The following GAS7 variants were observed in gnomAD, a reference collection of about 807,000 sequenced individuals.
GAS7 encodes the protein growth arrest specific 7.
Under a neutral mutation model 71.1 loss-of-function variants are expected in GAS7, and 28 were observed. The ratio of observed to expected loss-of-function variants is 0.39; its 90% CI spans 0.29 to 0.54. The LOEUF (loss-of-function observed/expected upper bound fraction) is 0.54, where lower values mean the gene tolerates loss of function less well. Ranked by LOEUF, GAS7 falls within the 20% of genes least tolerant of loss-of-function variation. The pLI is 0.62. For missense variants in GAS7, 436 were observed against 627.8 expected (o/e 0.69, Z 3.27); for synonymous variants, 258 against 245.8 (o/e 1.05, Z -0.46).
At chr17:10,182,445 G>C (rs2074423630) in intron 1 of GAS7, among the ~76,000 whole-genome samples, 1 of 152,098 alleles carries the variant, frequency 6.6e-6, no homozygotes, top group South Asian at 2.1e-4. Context: ...CAGGCATGAG[G>C]CACCGCACCC....
At chr17:9,960,215 AGT>A (rs1319484891) in intron 4 of GAS7, among the ~76,000 whole-genome samples, 2 of 149,310 alleles carry the variant, frequency 1.3e-5, no homozygotes, top group African/African-American at 5.0e-5. Context: ...TTTAAGATGG[AGT>A]GTCATTCTGT....
At chr17:10,079,113 T>C (rs996692819) in intron 1 of GAS7, among the ~76,000 whole-genome samples, 2 of 152,152 alleles carry the variant, frequency 1.3e-5, no homozygotes, top group African/African-American at 4.8e-5. Flanking sequence ...GACTCCTGGC[T>C]GGGTGACACA....
chr17:10,105,263 C>A (rs2073745890), intron 1 of GAS7, among the ~76,000 whole-genome samples: 1 of 152,152 alleles, frequency 6.6e-6, no homozygotes, highest in South Asian at 2.1e-4. Flanking sequence ...CCTTCTCTTG[C>A]CTTCCAGGTG....
rs2070104537 is a variant in GAS7, at chr17:9,974,469, C to G, written c.386-4707G>C. 6.6e-6 allele frequency among the ~76,000 whole-genome samples: 1 copy of G among 150,738 alleles called. No homozygotes were observed. Among genetic ancestry groups the G allele is most frequent in the Admixed American group, 6.6e-5 (1 of 15,120 alleles). ...CTGGGGGAAGAAAAATGAAATTGGT[C>G]AAGGATCGCTCATAAAGGGAACATA... On this transcript the variant is annotated intron_variant, in intron 3 of 13. Transcript: ENST00000432992. The surrounding 1 kb of genome is among the most constrained non-coding windows in gnomAD (Gnocchi z 4.0).
intron 3 of GAS7, among the ~76,000 whole-genome samples, chr17:9,979,610 G>T (rs1469927803): frequency 6.6e-6 from 1 of 152,162 alleles, no homozygotes; most frequent in Admixed American, 6.5e-5. Context: ...AGGAGAGCAG[G>T]CTTTGGAGAA....
At chr17:10,153,045 A>T (rs1338327196) in intron 1 of GAS7, among the ~76,000 whole-genome samples, 1 of 150,778 alleles carries the variant, frequency 6.6e-6, no homozygotes. Context: ...ATACAAAAAA[A>T]AAAAAAAAAA....
chr17:10,040,425 A>G (rs1051864966), intron 1 of GAS7, among the ~76,000 whole-genome samples: 11 of 152,232 alleles, frequency 7.2e-5, no homozygotes, highest in African/African-American at 2.7e-4. Context: ...TTTCGATTCT[A>G]TAAAGGAGAA....
At chr17:9,951,773 A>AAAAC (rs2069023436) in intron 5 of GAS7, among the ~76,000 whole-genome samples, 1 of 150,852 alleles carries the variant, frequency 6.6e-6, no homozygotes, top group African/African-American at 2.4e-5. Context: ...AAAAAAAAAA[A>AAAAC]AAAAAAAAAA....
chr17:10,060,191 G>A (rs1309105561), intron 1 of GAS7, among the ~76,000 whole-genome samples: 2 of 152,218 alleles, frequency 1.3e-5, no homozygotes, highest in Non-Finnish European at 2.9e-5. Context: ...CAGCCCTGGT[G>A]CTTTAGTAAG....
intron 1 of GAS7, among the ~76,000 whole-genome samples, chr17:10,188,394 T>C (rs925237013): frequency 1.3e-5 from 2 of 152,232 alleles, no homozygotes; most frequent in Non-Finnish European, 2.9e-5. Flanking sequence ...TGTGATGTAA[T>C]ATACGCTGAT....
chr17:9,912,410 C>A lies in GAS7; in HGVS notation c.*4818G>T, dbSNP rs572575120. On this transcript the variant is annotated 3_prime_UTR_variant, in exon 14 of 14. Transcript: ENST00000432992. ...TCAGCTTGCAGATGAAGCAACAGAT[C>A]CAGGAAAGCATCATGATGAGCCCCA... 6.4e-5 allele frequency: 15 copies of A among 232,998 alleles called. No individual in the cohort carries two copies. The highest frequency in any genetic ancestry group is 1.1e-4 in the Non-Finnish European group (13 of 117,872). The allele number at this position is 232,998 out of a possible 1,614,324, so 14.4% of individuals were successfully genotyped here.
In GAS7 at chr17:9,969,692, G is replaced by A. The variant is rs1597577539; in HGVS notation, c.456C>T (p.Ser152=). The change falls in exon 4 of 14, where the codon TCC becomes TCT. Residue 152 remains serine, a synonymous_variant. Transcript: ENST00000432992. This position sits in a 1 kb window ranked among gnomAD's most constrained non-coding sequence, Gnocchi z 5.5. Reference sequence around the variant, plus strand: ...GACCCCTTACCTGGGAATCACCGGTGGATTTTCGGACACTCATGTGGGCAG... The same window carrying A: ...GACCCCTTACCTGGGAATCACCGGTAGATTTTCGGACACTCATGTGGGCAG... The part of the protein sequence containing the change: ...PETAHMSVRK[S]TGDSQNLGSS... 1.9e-6 allele frequency: 3 copies of A among 1,607,242 alleles called. No individual in the cohort carries two copies. The highest frequency in any genetic ancestry group is 2.6e-6 in the Non-Finnish European group (3 of 1,173,666).
At chr17:10,005,216 CGT>C (rs1567880470) in intron 2 of GAS7, among the ~76,000 whole-genome samples, 98 of 125,432 alleles carry the variant, frequency 7.8e-4, no homozygotes, top group African/African-American at 4.1e-3. Flanking sequence ...TGCATGTGCG[CGT>C]GTGCATGTAT....
At chr17:10,150,989 G>C (rs2074161773) in intron 1 of GAS7, among the ~76,000 whole-genome samples, 2 of 152,114 alleles carry the variant, frequency 1.3e-5, no homozygotes, top group African/African-American at 4.8e-5. Flanking sequence ...CTGTAAAATG[G>C]GGACAATAGT....
intron 1 of GAS7, among the ~76,000 whole-genome samples, chr17:10,123,887 C>T (rs1038869954): frequency 2.0e-5 from 3 of 152,326 alleles, no homozygotes; most frequent in East Asian, 3.9e-4. Context: ...TGGAGGGGGG[C>T]CCCGGACAGA....
chr17:9,933,047 C>T lies in GAS7; in HGVS notation c.885+1119G>A, dbSNP rs561919801. On this transcript the variant is annotated intron_variant, in intron 9 of 13. Coordinates refer to ENST00000432992, the MANE Select transcript of GAS7 (RefSeq NM_201433.2). Reference sequence around the variant, plus strand: ...ATTAGCTGGGTGTGGTGGCAGGCGCCTGTAGTCCCAGCTACTCGGGAGGCT... The same window carrying T: ...ATTAGCTGGGTGTGGTGGCAGGCGCTTGTAGTCCCAGCTACTCGGGAGGCT... Among the ~76,000 whole-genome samples the T allele has an allele frequency of 7.4e-4, 112 of 152,218 alleles. 1 individual carries two copies. The highest frequency in any genetic ancestry group is 2.6e-3 in the African/African-American group (109 of 41,534).
chr17:10,105,777 G>C (rs2073750818), intron 1 of GAS7, among the ~76,000 whole-genome samples: 1 of 152,142 alleles, frequency 6.6e-6, no homozygotes, highest in Non-Finnish European at 1.5e-5. Flanking sequence ...GCGTCTGTCA[G>C]CTTATTCCCC....
intron 1 of GAS7, among the ~76,000 whole-genome samples, chr17:10,047,529 T>C (rs1304506432): frequency 2.6e-5 from 4 of 151,296 alleles, no homozygotes; most frequent in Non-Finnish European, 1.5e-5. Flanking sequence ...AGAGGGGAAA[T>C]ATGCAAAAGC....
At chr17:10,047,286 A>G (rs1266398530) in intron 1 of GAS7, among the ~76,000 whole-genome samples, 4 of 152,220 alleles carry the variant, frequency 2.6e-5, no homozygotes, top group African/African-American at 9.7e-5. Flanking sequence ...TTCTCCATCA[A>G]TTCGGAGTAT....
Sources: allele counts gnomAD v4.1 joint callset (sites outside exome capture counted in the v4.1 genomes callset), GRCh38; gene constraint gnomAD v4.1.1; non-coding constraint Gnocchi (gnomAD v3.1); transcripts MANE v1.5; gene names NCBI Gene and HGNC (gene_info 2026-07-23, HGNC 2026-07-21).